Variants in PLEKHO2 observed in about 807,000 individuals in gnomAD.
PLEKHO2 encodes pleckstrin homology domain-containing family O member 2.
A neutral mutation model predicts 32.7 loss-of-function variants in PLEKHO2; 20 were observed. The observed-to-expected ratio is 0.61, with a 90% confidence interval of 0.43 to 0.89. PLEKHO2 has a LOEUF of 0.89. Among genes scored for constraint, PLEKHO2 ranks in the 40% least tolerant of loss-of-function variants. The pLI, the probability that PLEKHO2 is intolerant of heterozygous loss-of-function variation, is 0.00. For synonymous variants in PLEKHO2, 247 were observed against 246.3 expected, an observed-to-expected ratio of 1.00 and a Z score of -0.03; for missense variants, 568 against 621.2, an observed-to-expected ratio of 0.91 and a Z score of 0.91.
At chr15:64,858,088 C>T (rs150587566) in intron 3 of PLEKHO2, among the ~76,000 whole-genome samples, 23 of 152,336 alleles carry the variant, frequency 1.5e-4, no homozygotes, top group African/African-American at 4.6e-4. Context: ...GTGGCCTTAG[C>T]GACCCCAGAT....
chr15:64,846,700 C>T (rs2084525091), intron 1 of PLEKHO2, among the ~76,000 whole-genome samples: 2 of 152,170 alleles, frequency 1.3e-5, no homozygotes, highest in Non-Finnish European at 2.9e-5. Flanking sequence ...AGGTGGGACC[C>T]CACATTCCTG....
chr15:64,865,731 G>A lies in PLEKHO2; in HGVS notation c.1316G>A (p.Ser439Asn). The change falls in exon 6 of 6, where the codon AGT becomes AAT. Residue 439 changes from serine (S) to asparagine (N), a missense_variant. Ser to Asn is a conservative substitution (Grantham distance 46). Transcript: ENST00000323544. ...KVLGSEPAPV[S>N]AETLLSQAVE... Reference sequence around the variant, plus strand: ...CTGGGCAGTGAGCCGGCCCCTGTTAGTGCCGAAACATTGCTCAGCCAGGCT... The same window carrying A: ...CTGGGCAGTGAGCCGGCCCCTGTTAATGCCGAAACATTGCTCAGCCAGGCT... 2 of 1,614,244 alleles carry A rather than the reference G, an allele frequency of 1.2e-6. No individual in the cohort carries two copies. The highest frequency in any genetic ancestry group is 1.7e-6 in the Non-Finnish European group (2 of 1,180,036).
At chr15:64,863,633 G>A (rs1292324626) in intron 5 of PLEKHO2, among the ~76,000 whole-genome samples, 1 of 151,960 alleles carries the variant, frequency 6.6e-6, no homozygotes, top group African/African-American at 2.4e-5. Flanking sequence ...GGGAGTGAGA[G>A]CAACAAAGGG....
chr15:64,861,564 C>A lies in PLEKHO2; in HGVS notation c.472C>A (p.His158Asn). 1 of 1,603,268 alleles carries A rather than the reference C, an allele frequency of 6.2e-7. No individual in the cohort carries two copies. Among genetic ancestry groups the A allele is most frequent in the South Asian group, 1.1e-5 (1 of 88,854 alleles). Residue 158 changes from histidine (H) to asparagine (N), a missense_variant, in exon 5 of 6, where the codon CAC becomes AAC. His to Asn is a moderately conservative substitution (Grantham distance 68). Transcript: ENST00000323544. Reference sequence around the variant, plus strand: ...GCGACGCCGGCCACCAACGAGAGTCCACCTGAAGGAGGTAGGGCCTTACCC... The same window carrying A: ...GCGACGCCGGCCACCAACGAGAGTCAACCTGAAGGAGGTAGGGCCTTACCC... ...GQRRRPPTRV[H>N]LKEVASAASD...
rs545343296 is a variant in PLEKHO2 at position 64,843,026 on chromosome 15, A to G, written c.12+998A>G. Reference sequence around the variant, plus strand: ...CATGTCTTTGCCTCCTTGGATGGGGAGGAAAGATGAAGTTCTCTGCCTTGG... The same window carrying G: ...CATGTCTTTGCCTCCTTGGATGGGGGGGAAAGATGAAGTTCTCTGCCTTGG... On this transcript the variant is annotated intron_variant, in intron 1 of 5. Coordinates refer to ENST00000323544, the MANE Select transcript of PLEKHO2 (RefSeq NM_025201.5). 2.0e-5 allele frequency among the ~76,000 whole-genome samples: 3 copies of G among 152,104 alleles called. No homozygotes were observed. In the East Asian group the frequency reaches 5.8e-4, roughly 29 times the overall value.
chr15:64,866,111 CCTGGCCTCTGGG>C lies in PLEKHO2; in HGVS notation c.*228_*239del. The C allele has an allele frequency of 1.6e-6, 1 of 635,092 alleles. No individual in the cohort carries two copies. The highest frequency in any genetic ancestry group is 2.8e-5 in the East Asian group (1 of 35,466). The allele number at this position is 635,092 out of a possible 1,614,324, so 39.3% of individuals were successfully genotyped here. On this transcript the variant is annotated 3_prime_UTR_variant, in exon 6 of 6. Coordinates refer to ENST00000323544, the MANE Select transcript of PLEKHO2 (RefSeq NM_025201.5). ...CCAGGGCTACTGCCTGGCTATCTGG[CCTGGCCTCTGGG>C]CTGGGGCTGGGGCTGGGAGCACACA...
At chr15:64,853,131 T>C (rs1276261240) in intron 2 of PLEKHO2, among the ~76,000 whole-genome samples, 1 of 150,902 alleles carries the variant, frequency 6.6e-6, no homozygotes, top group Admixed American at 6.6e-5. Flanking sequence ...AGAGTGAGAC[T>C]CTGTCTCAAA....
At chr15:64,855,581 G>A (rs1303637277) in intron 3 of PLEKHO2, among the ~76,000 whole-genome samples, 1 of 152,220 alleles carries the variant, frequency 6.6e-6, no homozygotes, top group African/African-American at 2.4e-5. Context: ...TGTAGCTGGG[G>A]AAGGTCCCTG....
chr15:64,845,346 G>A (rs2084514542), intron 1 of PLEKHO2, among the ~76,000 whole-genome samples: 1 of 151,972 alleles, frequency 6.6e-6, no homozygotes, highest in Admixed American at 6.6e-5. Context: ...GGCAAAACAG[G>A]AAGAACAGCG....
At chr15:64,856,024 G>A (rs1449508127) in intron 3 of PLEKHO2, among the ~76,000 whole-genome samples, 1 of 152,116 alleles carries the variant, frequency 6.6e-6, no homozygotes, top group Non-Finnish European at 1.5e-5. Context: ...AGATAGCAGT[G>A]GAGGGGGCTG....
In PLEKHO2 at chr15:64,861,633, C is replaced by G. The variant is rs1240900928; in HGVS notation, c.483+58C>G. ...AGTTGAGCCTAGGACCTCAGCTCCT[C>G]TGGGCGGCAGCCAGGCTTGGGGCCA... On this transcript the variant is annotated intron_variant, in intron 5 of 5. Transcript: ENST00000323544. 5 of 1,407,204 alleles carry G rather than the reference C, an allele frequency of 3.6e-6. No homozygotes were observed. In the African/African-American group the frequency reaches 4.3e-5, roughly 12 times the overall value. The allele number at this position is 1,407,204 out of a possible 1,614,324, so 87.2% of individuals were successfully genotyped here. A position where few individuals can be genotyped will look rare whatever the true frequency, so the allele number is the denominator to read the frequency against.
chr15:64,848,458 G>A, intron 1 of PLEKHO2, 135 bp from the exon 2 acceptor site: 1 of 969,176 alleles, frequency 1.0e-6, no homozygotes, highest in South Asian at 1.6e-5. Context: ...TGCCTTGGGG[G>A]TTGTGGGGAA....
In PLEKHO2 at chr15:64,865,363, C is replaced by T. The variant is rs1179455732; in HGVS notation, c.948C>T (p.Ile316=). ...GGKPPTPPPK[I]LSEKLKASMG... ...AGCCCCCTACACCCCCACCCAAGAT[C>T]TTATCAGAGAAACTGAAAGCCTCCA... The change falls in exon 6 of 6, where the codon ATC becomes ATT. Residue 316 remains isoleucine (I), a synonymous_variant. Transcript: ENST00000323544. 1.4e-5 allele frequency: 22 copies of T among 1,613,668 alleles called. No individual in the cohort carries two copies. In the Admixed American group the frequency reaches 3.5e-4, roughly 26 times the overall value.
chr15:64,861,669 G>T, intron 5 of PLEKHO2, 94 bp downstream of exon 5: 1 of 1,012,730 alleles, frequency 9.9e-7, no homozygotes, highest in Non-Finnish European at 1.4e-6. Flanking sequence ...CATTTTTCCT[G>T]AGGACACCTG....
chr15:64,857,047 G>A (rs1299432659), intron 3 of PLEKHO2, among the ~76,000 whole-genome samples: 1 of 152,214 alleles, frequency 6.6e-6, no homozygotes, highest in African/African-American at 2.4e-5. Flanking sequence ...ACAGGCAGAC[G>A]CTGCCAGGAA....
At chr15:64,843,680 A>G (rs1240663600) in intron 1 of PLEKHO2, among the ~76,000 whole-genome samples, 3 of 150,596 alleles carry the variant, frequency 2.0e-5, no homozygotes, top group African/African-American at 7.4e-5. Context: ...TCCTGGGTTC[A>G]AGCAATTCTC....
At position 64,864,966 on chromosome 15, in the gene PLEKHO2, T is replaced by G; in HGVS notation, c.551T>G (p.Val184Gly). 1 of 1,614,096 alleles carries G rather than the reference T, an allele frequency of 6.2e-7. No homozygotes were observed. The highest frequency in any genetic ancestry group is 1.3e-5 in the African/African-American group (1 of 75,012). ...DLDVPDSGPP[V>G]FAPSNHVSEA... Reference sequence around the variant, plus strand: ...GATGTTCCGGACAGTGGGCCACCAGTGTTTGCCCCCAGCAATCATGTCAGT... The same window carrying G: ...GATGTTCCGGACAGTGGGCCACCAGGGTTTGCCCCCAGCAATCATGTCAGT... The change falls in exon 6 of 6, where the codon GTG becomes GGG. Residue 184 changes from valine (V) to glycine (G), a missense_variant. Val to Gly is a moderately radical substitution (Grantham distance 109). Coordinates refer to ENST00000323544, the MANE Select transcript of PLEKHO2 (RefSeq NM_025201.5).
chr15:64,852,232 G>A (rs1280047093), intron 2 of PLEKHO2, among the ~76,000 whole-genome samples: 1 of 152,138 alleles, frequency 6.6e-6, no homozygotes, highest in Non-Finnish European at 1.5e-5. Flanking sequence ...AAGTTCAGGG[G>A]TTCATGGTTG....
At chr15:64,846,399 G>A (rs957122648) in intron 1 of PLEKHO2, among the ~76,000 whole-genome samples, 2 of 150,970 alleles carry the variant, frequency 1.3e-5, no homozygotes, top group East Asian at 1.9e-4. Context: ...CACAACCTCC[G>A]CCTTCCTGGC....
Sources: gnomAD v4.1 joint callset for allele counts (sites outside exome capture counted in the v4.1 genomes callset) on GRCh38, gnomAD v4.1.1 for gene constraint, MANE v1.5 for transcripts, NCBI Gene and HGNC (gene_info 2026-07-23, HGNC 2026-07-21) for gene names.